The following SPSB4 variants were observed in gnomAD, a reference collection of about 807,000 sequenced individuals.
SPSB4 encodes the protein SPRY domain-containing SOCS box protein 4.
SPSB4 carries 21 observed loss-of-function variants against 20.9 expected under a neutral mutation model. The observed-to-expected ratio is 1.01, with a 90% CI of 0.71 to 1.45. SPSB4 has a LOEUF of 1.45. Ranked by LOEUF, SPSB4 falls within the 40% of genes most tolerant of loss-of-function variation. The pLI is 0.00. For synonymous variants in SPSB4, 207 were observed against 183.8 expected, an observed-to-expected ratio of 1.13 and a Z score of -1.02; for missense variants, 399 against 399.2, an observed-to-expected ratio of 1.00 and a Z score of 0.00.
intron 2 of SPSB4, among the ~76,000 whole-genome samples, chr3:141,108,666 T>C (rs1938738065): frequency 6.6e-6 from 1 of 152,122 alleles, no homozygotes. Flanking sequence ...CAAGTAACAA[T>C]AGTGATAGTT....
At chr3:141,137,540 A>G (rs1939249988) in intron 2 of SPSB4, among the ~76,000 whole-genome samples, 1 of 152,220 alleles carries the variant, frequency 6.6e-6, no homozygotes, top group Non-Finnish European at 1.5e-5. Context: ...AGTTTTTAGC[A>G]TGAATGGTTG....
intron 2 of SPSB4, among the ~76,000 whole-genome samples, chr3:141,111,478 A>G (rs546512339): frequency 3.3e-5 from 5 of 149,506 alleles, no homozygotes; most frequent in African/African-American, 1.2e-4. Context: ...GGCCCAGCAC[A>G]TAGTGAGCGC....
At chr3:141,111,923 C>T (rs1217454254) in intron 2 of SPSB4, among the ~76,000 whole-genome samples, 1 of 152,176 alleles carries the variant, frequency 6.6e-6, no homozygotes, top group African/African-American at 2.4e-5. Flanking sequence ...ATGGTTAGAA[C>T]CTGAGACCCC....
At chr3:141,069,944 T>C (rs958200553) in intron 2 of SPSB4, among the ~76,000 whole-genome samples, 1 of 152,204 alleles carries the variant, frequency 6.6e-6, no homozygotes, top group East Asian at 1.9e-4. Context: ...AAGGGCTCAC[T>C]ACGTTTAACT....
intron 1 of SPSB4, among the ~76,000 whole-genome samples, chr3:141,063,416 T>C (rs775282106): frequency 3.3e-5 from 5 of 152,242 alleles, no homozygotes; most frequent in Non-Finnish European, 7.3e-5. Context: ...CCTTTTTGCC[T>C]CTCTTGCTTT....
chr3:141,072,139 G>A (rs960641500), intron 2 of SPSB4, among the ~76,000 whole-genome samples: 6 of 152,190 alleles, frequency 3.9e-5, no homozygotes, highest in South Asian at 2.1e-4. Context: ...GGCCTCAGCC[G>A]AGGACTCTGG....
At position 141,066,468 on chromosome 3, in the gene SPSB4, G is replaced by A; in HGVS notation, c.364G>A (p.Ala122Thr). ...HAVVGVATARAPLHSVGYTAL... is the reference protein window; with the variant it reads ...HAVVGVATARTPLHSVGYTAL... ...TGTAGTTGGTGTGGCCACGGCCCGT[G>A]CTCCCCTGCACTCCGTGGGCTACAC... The change falls in exon 2 of 3, where the codon GCT becomes ACT. Residue 122 changes from alanine (A) to threonine (T), a missense_variant. Transcript: ENST00000310546. The A allele has an allele frequency of 1.3e-6, 2 of 1,499,284 alleles. No homozygotes were observed. 92.9% of individuals were successfully genotyped at this position (1,499,284 alleles called of 1,614,324 possible).
intron 2 of SPSB4, among the ~76,000 whole-genome samples, chr3:141,111,588 G>C (rs765325401): frequency 6.6e-6 from 1 of 152,004 alleles, no homozygotes; most frequent in Non-Finnish European, 1.5e-5. Context: ...ACCACAGCAA[G>C]AAAAGAGTGG....
intron 1 of SPSB4, among the ~76,000 whole-genome samples, chr3:141,054,002 C>T (rs1326680429): frequency 6.6e-6 from 1 of 152,208 alleles, no homozygotes; most frequent in Non-Finnish European, 1.5e-5. Flanking sequence ...GTTCCCCTGC[C>T]TAGAATACTT....
At chr3:141,132,149 G>C (rs1939142176) in intron 2 of SPSB4, 1 of 412,086 alleles carries the variant, frequency 2.4e-6, no homozygotes, top group African/African-American at 2.2e-5. Flanking sequence ...CTTTCCCCCA[G>C]GTCCCTAAAG....
At chr3:141,084,328 C>T (rs964742566) in intron 2 of SPSB4, among the ~76,000 whole-genome samples, 1 of 152,166 alleles carries the variant, frequency 6.6e-6, no homozygotes, top group Non-Finnish European at 1.5e-5. Flanking sequence ...CCCCCACACC[C>T]CTCTCCTGGC....
rs143425249 is a variant in SPSB4, at chr3:141,097,705, A to G, written c.694+30907A>G. Among the ~76,000 whole-genome samples, 499 of 152,152 alleles carry G rather than the reference A, an allele frequency of 3.3e-3. 5 individuals are homozygous for G. The highest frequency in any genetic ancestry group is 0.011 in the African/African-American group (470 of 41,508). ...TGGTCTCTGGGATCTGCAGGTAGCTATATTTGGGAGGCAGGACCTGACAGG... is the reference window on the plus strand; with the variant it reads ...TGGTCTCTGGGATCTGCAGGTAGCTGTATTTGGGAGGCAGGACCTGACAGG... On this transcript the variant is annotated intron_variant, in intron 2 of 2. Transcript: ENST00000310546.
chr3:141,133,112 G>T (rs1194466202), intron 2 of SPSB4, among the ~76,000 whole-genome samples: 1 of 152,116 alleles, frequency 6.6e-6, no homozygotes, highest in African/African-American at 2.4e-5. Flanking sequence ...CTTCTTTTGA[G>T]AATTTTCTAT....
At chr3:141,074,463 G>A (rs1380455869) in intron 2 of SPSB4, among the ~76,000 whole-genome samples, 1 of 152,158 alleles carries the variant, frequency 6.6e-6, no homozygotes, top group African/African-American at 2.4e-5. Context: ...TGAAACTGAA[G>A]GATTTCACAC....
chr3:141,115,494 C>T (rs1419459707), intron 2 of SPSB4, among the ~76,000 whole-genome samples: 3 of 152,214 alleles, frequency 2.0e-5, no homozygotes, highest in African/African-American at 4.8e-5. Context: ...CCATAGCTTA[C>T]ACCTGCTCCC....
At chr3:141,082,339 A>G (rs1405091271) in intron 2 of SPSB4, among the ~76,000 whole-genome samples, 9 of 152,178 alleles carry the variant, frequency 5.9e-5, no homozygotes, top group Admixed American at 5.9e-4. Flanking sequence ...AGGCTGGGCC[A>G]GGCTCTCATC....
chr3:141,125,305 G>A (rs1179400209), intron 2 of SPSB4, among the ~76,000 whole-genome samples: 1 of 152,156 alleles, frequency 6.6e-6, no homozygotes, highest in African/African-American at 2.4e-5. Context: ...TTCTGATGAG[G>A]TTAGCTCCTT....
rs576973396 is a variant in SPSB4 at position 141,147,302 on chromosome 3, C to T, written c.*33C>T. The T allele has an allele frequency of 1.1e-5, 18 of 1,613,242 alleles. No homozygotes were observed. The highest frequency in any genetic ancestry group is 3.3e-4 in the Middle Eastern group (2 of 6,058). Reference sequence around the variant, plus strand: ...CTGATGGGCAGCACAGACACAGACACACACCGCAGGGCCCGACCCTCCTGT... The same window carrying T: ...CTGATGGGCAGCACAGACACAGACATACACCGCAGGGCCCGACCCTCCTGT... On this transcript the variant is annotated 3_prime_UTR_variant, in exon 3 of 3. Transcript: ENST00000310546.
chr3:141,075,817 C>T (rs1938094264), intron 2 of SPSB4, among the ~76,000 whole-genome samples: 2 of 148,730 alleles, frequency 1.3e-5, no homozygotes, highest in Admixed American at 1.4e-4. Context: ...GAGGCCGAGG[C>T]AGGCGGATCA....
Sources: gnomAD v4.1 joint callset for allele counts (sites outside exome capture counted in the v4.1 genomes callset) on GRCh38, gnomAD v4.1.1 for gene constraint, MANE v1.5 for transcripts, NCBI Gene and HGNC (gene_info 2026-07-23, HGNC 2026-07-21) for gene names.